Variants in STAC observed in about 807,000 individuals in gnomAD.
STAC encodes the protein SH3 and cysteine rich domain.
Under a neutral mutation model 48.8 loss-of-function variants are expected in STAC, and 43 were observed. That is an observed-to-expected ratio of 0.88 (90% CI 0.69 to 1.14). STAC has a LOEUF of 1.14. Ranked by LOEUF, STAC falls within the 50% of genes most tolerant of loss-of-function variation. STAC has a pLI of 0.00. For synonymous variants in STAC, 193 were observed against 179.5 expected (o/e 1.07, Z -0.60); for missense variants, 497 against 504.0 (o/e 0.99, Z 0.13).
intron 2 of STAC, among the ~76,000 whole-genome samples, chr3:36,446,906 A>G (rs1696522504): frequency 6.6e-6 from 1 of 152,220 alleles, no homozygotes; most frequent in Non-Finnish European, 1.5e-5. Context: ...TACACAAAGA[A>G]TCATTCACTT....
chr3:36,398,296 AAAGAAAGAAAGAAAGAAAGAAAGC>A (rs1452413400), intron 1 of STAC, among the ~76,000 whole-genome samples: 1,033 of 92,308 alleles, frequency 0.011, 38 homozygotes, highest in African/African-American at 0.035. Flanking sequence ...GTATGTTAAA[AAAGAAAGAAAGAAAGAAAGAAAGC>A]AAGAAAGAAA....
intron 8 of STAC, among the ~76,000 whole-genome samples, chr3:36,524,024 G>A (rs1028995388): frequency 6.6e-6 from 1 of 152,184 alleles, no homozygotes; most frequent in Non-Finnish European, 1.5e-5. Context: ...GGCAGATTAT[G>A]TATGGCAGGC....
At chr3:36,474,766 A>G (rs1028629767) in intron 2 of STAC, among the ~76,000 whole-genome samples, 1 of 152,184 alleles carries the variant, frequency 6.6e-6, no homozygotes, top group Non-Finnish European at 1.5e-5. Context: ...GAAGTTATCT[A>G]TTATCCCTAC....
At chr3:36,428,719 T>C (rs555873451) in intron 1 of STAC, among the ~76,000 whole-genome samples, 1 of 152,180 alleles carries the variant, frequency 6.6e-6, no homozygotes, top group East Asian at 1.9e-4. Context: ...AGTTTTCTGG[T>C]GTGTTTGTGA....
intron 1 of STAC, among the ~76,000 whole-genome samples, chr3:36,399,686 A>C (rs1453831108): frequency 6.6e-6 from 1 of 152,178 alleles, no homozygotes; most frequent in African/African-American, 2.4e-5. Context: ...TTCAATCTAA[A>C]ATAACTCAAT....
chr3:36,396,080 C>T (rs1056858254), intron 1 of STAC, among the ~76,000 whole-genome samples: 5 of 152,080 alleles, frequency 3.3e-5, no homozygotes, highest in Non-Finnish European at 7.4e-5. Flanking sequence ...AAATTTATTT[C>T]CTCCTCCTCC....
At chr3:36,513,221 C>A (rs116669947) in intron 8 of STAC, among the ~76,000 whole-genome samples, 285 of 152,254 alleles carry the variant, frequency 1.9e-3, no homozygotes, top group African/African-American at 6.5e-3. Flanking sequence ...GACCTCTCCC[C>A]GAACCTCCAG....
At chr3:36,521,447 GCCAACATCT>G (rs368424105) in intron 8 of STAC, among the ~76,000 whole-genome samples, 250 of 152,192 alleles carry the variant, frequency 1.6e-3, no homozygotes, top group African/African-American at 5.7e-3. Flanking sequence ...GCTCAACCCT[GCCAACATCT>G]CCATTACAAT....
intron 8 of STAC, among the ~76,000 whole-genome samples, chr3:36,527,317 T>C (rs544789967): frequency 6.6e-6 from 1 of 152,222 alleles, no homozygotes; most frequent in Non-Finnish European, 1.5e-5. Flanking sequence ...CATTATAACA[T>C]TGCATCCATG....
chr3:36,444,359 C>T (rs1017666051), intron 2 of STAC, among the ~76,000 whole-genome samples: 2 of 152,174 alleles, frequency 1.3e-5, no homozygotes, highest in Non-Finnish European at 2.9e-5. Context: ...TTTAGAAGTT[C>T]TTTAAAAATG....
intron 1 of STAC, among the ~76,000 whole-genome samples, chr3:36,384,155 A>T (rs1462899546): frequency 1.3e-5 from 2 of 152,152 alleles, no homozygotes; most frequent in African/African-American, 2.4e-5. Flanking sequence ...TTCATGTCCC[A>T]TTATCCCTTA....
intron 1 of STAC, among the ~76,000 whole-genome samples, chr3:36,391,926 A>G (rs1699758762): frequency 1.3e-5 from 2 of 152,158 alleles, no homozygotes; most frequent in Non-Finnish European, 1.5e-5. Flanking sequence ...GACCCAGAAC[A>G]CCCCAAGGCT....
chr3:36,390,901 T>G (rs924437417), intron 1 of STAC, among the ~76,000 whole-genome samples: 2 of 152,194 alleles, frequency 1.3e-5, no homozygotes, highest in African/African-American at 4.8e-5. Context: ...TATTCCTTTT[T>G]TCCTAAATTG....
chr3:36,542,383 A>G (rs941070315), intron 10 of STAC, among the ~76,000 whole-genome samples: 1 of 152,178 alleles, frequency 6.6e-6, no homozygotes, highest in Non-Finnish European at 1.5e-5. Context: ...TCTTAGCAGA[A>G]TTTAGCGTGG....
At chr3:36,539,252 T>C (rs1296742818) in intron 10 of STAC, among the ~76,000 whole-genome samples, 2 of 152,162 alleles carry the variant, frequency 1.3e-5, no homozygotes, top group Non-Finnish European at 1.5e-5. Flanking sequence ...GTTTGTTATA[T>C]AGTTAAACTT....
intron 6 of STAC, among the ~76,000 whole-genome samples, chr3:36,498,259 A>AT (rs1289518210): frequency 8.5e-5 from 13 of 152,136 alleles, no homozygotes; most frequent in Non-Finnish European, 1.8e-4. Context: ...AACTTCGAGA[A>AT]TTTTTTTTAA....
chr3:36,543,538 C>T (rs1051087556), intron 10 of STAC, among the ~76,000 whole-genome samples: 1 of 152,070 alleles, frequency 6.6e-6, no homozygotes, highest in Non-Finnish European at 1.5e-5. Context: ...GAGACACTTC[C>T]GAACAACTCT....
chr3:36,470,027 C>T (rs1490024433), intron 2 of STAC, among the ~76,000 whole-genome samples: 1 of 152,050 alleles, frequency 6.6e-6, no homozygotes, highest in Non-Finnish European at 1.5e-5. Flanking sequence ...CTGGTGCCTC[C>T]TTGATTAGCT....
intron 1 of STAC, among the ~76,000 whole-genome samples, chr3:36,405,485 G>A (rs1700071756): frequency 3.3e-5 from 5 of 152,124 alleles, no homozygotes; most frequent in Admixed American, 3.3e-4. Context: ...TTTTATGGTA[G>A]GAAGGTGGAG....
Sources: gnomAD v4.1 joint callset for allele counts (sites outside exome capture counted in the v4.1 genomes callset) on GRCh38, gnomAD v4.1.1 for gene constraint, MANE v1.5 for transcripts, NCBI Gene and HGNC (gene_info 2026-07-23, HGNC 2026-07-21) for gene names.